Variants in HEMK2 observed in about 807,000 individuals in gnomAD.
HEMK2 encodes the protein methyltransferase HEMK2.
At chr21:28,789,370 C>T in the HEMK2 span, among the ~76,000 whole-genome samples, 1 of 151,932 alleles carries the variant, frequency 6.6e-6, no homozygotes, top group South Asian at 2.1e-4. Flanking sequence ...ATATGGATGC[C>T]CAACTGAAAG....
At chr21:28,646,293 A>G in the HEMK2 span, among the ~76,000 whole-genome samples, 2 of 152,148 alleles carry the variant, frequency 1.3e-5, no homozygotes, top group Non-Finnish European at 2.9e-5. Flanking sequence ...ATAAATAGTG[A>G]GCTGGGTGAT....
At chr21:28,724,705 TA>T in the HEMK2 span, among the ~76,000 whole-genome samples, 1,161 of 152,372 alleles carry the variant, frequency 7.6e-3, 14 homozygotes, top group African/African-American at 0.026. Flanking sequence ...CATCTGACTT[TA>T]GTATGCCTCT....
At chr21:28,791,596 C>A in the HEMK2 span, among the ~76,000 whole-genome samples, 1 of 152,086 alleles carries the variant, frequency 6.6e-6, no homozygotes, top group Non-Finnish European at 1.5e-5. Flanking sequence ...TAGAAACATA[C>A]AAACAATTTT....
chr21:28,589,936 A>C, the HEMK2 span, among the ~76,000 whole-genome samples: 1 of 152,134 alleles, frequency 6.6e-6, no homozygotes, highest in Non-Finnish European at 1.5e-5. Context: ...CAGCATCCTC[A>C]AAGGAAGAAG....
the HEMK2 span, among the ~76,000 whole-genome samples, chr21:28,655,128 T>C: frequency 0.18 from 27,756 of 152,032 alleles, 2,745 homozygotes; most frequent in East Asian, 0.38. Flanking sequence ...TTGAGCCTAA[T>C]ATACCTTTAA....
the HEMK2 span, among the ~76,000 whole-genome samples, chr21:28,819,989 A>G: frequency 1.3e-3 from 204 of 152,240 alleles, 1 homozygote; most frequent in African/African-American, 4.8e-3. Flanking sequence ...CTGGCTGTCA[A>G]TTTATTAAGT....
At chr21:28,820,950 TC>T in the HEMK2 span, among the ~76,000 whole-genome samples, 1 of 152,352 alleles carries the variant, frequency 6.6e-6, no homozygotes, top group East Asian at 1.9e-4. Context: ...TCCAAAGGTA[TC>T]CCAGTTGTCT....
chr21:28,720,360 T>C, the HEMK2 span, among the ~76,000 whole-genome samples: 1 of 152,214 alleles, frequency 6.6e-6, no homozygotes. Context: ...TTACTATGAA[T>C]AATGAGAATC....
the HEMK2 span, among the ~76,000 whole-genome samples, chr21:28,786,865 C>A: frequency 4.6e-5 from 7 of 152,068 alleles, no homozygotes; most frequent in African/African-American, 1.7e-4. Context: ...GAAGAAGCTA[C>A]AAATTCAATG....
At chr21:28,681,500 C>T in the HEMK2 span, among the ~76,000 whole-genome samples, 192 of 152,118 alleles carry the variant, frequency 1.3e-3, 1 homozygote, top group African/African-American at 4.4e-3. Context: ...AGATTCAATG[C>T]CATCCCCATC....
At chr21:28,631,396 T>TG in the HEMK2 span, among the ~76,000 whole-genome samples, 1 of 152,360 alleles carries the variant, frequency 6.6e-6, no homozygotes, top group South Asian at 2.1e-4. Flanking sequence ...CAGGATTCTC[T>TG]ACTTCAATAA....
At chr21:28,767,751 G>A in the HEMK2 span, among the ~76,000 whole-genome samples, 9 of 151,978 alleles carry the variant, frequency 5.9e-5, no homozygotes, top group East Asian at 1.9e-4. Flanking sequence ...TGGGGTAGGC[G>A]GTAGTTGGTG....
the HEMK2 span, among the ~76,000 whole-genome samples, chr21:28,753,462 T>C: frequency 1.3e-5 from 2 of 152,050 alleles, no homozygotes; most frequent in African/African-American, 4.8e-5. Context: ...ATGGCCAGAA[T>C]AGATCATCTG....
the HEMK2 span, among the ~76,000 whole-genome samples, chr21:28,713,717 G>A: frequency 1.3e-4 from 20 of 152,148 alleles, no homozygotes; most frequent in African/African-American, 4.3e-4. Flanking sequence ...TTTTCTGTCT[G>A]TTATTATCTA....
At chr21:28,680,668 C>A in the HEMK2 span, among the ~76,000 whole-genome samples, 2 of 152,144 alleles carry the variant, frequency 1.3e-5, no homozygotes, top group African/African-American at 4.8e-5. Context: ...TACTGGCAAA[C>A]CGAATCCAGC....
chr21:28,854,165 T>C, the HEMK2 span, among the ~76,000 whole-genome samples: 1 of 152,138 alleles, frequency 6.6e-6, no homozygotes, highest in Non-Finnish European at 1.5e-5. Context: ...ATTATTTTCC[T>C]TGGTTCCCCA....
the HEMK2 span, among the ~76,000 whole-genome samples, chr21:28,866,339 C>T: frequency 1.3e-5 from 2 of 149,994 alleles, no homozygotes; most frequent in African/African-American, 4.9e-5. Context: ...ATCCTAGCTA[C>T]TCGGGAGGCT....
the HEMK2 span, among the ~76,000 whole-genome samples, chr21:28,780,336 C>T: frequency 4.6e-5 from 7 of 151,986 alleles, no homozygotes; most frequent in African/African-American, 1.5e-4. Flanking sequence ...AGCCACCATG[C>T]CCAGCTAATT....
the HEMK2 span, among the ~76,000 whole-genome samples, chr21:28,776,257 T>C: frequency 1.3e-5 from 2 of 152,172 alleles, no homozygotes; most frequent in African/African-American, 4.8e-5. Flanking sequence ...CATGAAAGAA[T>C]CTCTTGTGCC....
Sources: gnomAD v4.1 joint callset for allele counts (sites outside exome capture counted in the v4.1 genomes callset) on GRCh38, gnomAD v4.1.1 for gene constraint, MANE v1.5 for transcripts, NCBI Gene and HGNC (gene_info 2026-07-23, HGNC 2026-07-21) for gene names.